The following HERC2 variants were observed in gnomAD, a reference collection of about 807,000 sequenced individuals.
The protein encoded by HERC2 is E3 ubiquitin-protein ligase HERC2.
HERC2 carries 102 observed loss-of-function variants against 537.7 expected under a neutral mutation model. The ratio of observed to expected loss-of-function variants is 0.19; its 90% CI spans 0.16 to 0.22. The LOEUF (loss-of-function observed/expected upper bound fraction) is 0.22, where lower values mean the gene tolerates loss of function less well. HERC2 is among the 10% of genes least tolerant of loss of function. The pLI, the probability that HERC2 is intolerant of heterozygous loss-of-function variation, is 1.00. For missense variants in HERC2, 4,236 were observed against 6,198.2 expected (o/e 0.68, Z 10.63); for synonymous variants, 2,224 against 2,466.2 (o/e 0.90, Z 2.91).
rs1887609431 is a variant in HERC2 at position 28,111,139 on chromosome 15, C to G, written c.*624G>C. 6.6e-6 allele frequency: 1 copy of G among 152,390 alleles called. No homozygotes were observed. Among genetic ancestry groups the G allele is most frequent in the Admixed American group, 6.5e-5 (1 of 15,276 alleles). The allele number at this position is 152,390 out of a possible 1,614,324, so 9.4% of individuals were successfully genotyped here. On this transcript the variant is annotated 3_prime_UTR_variant, in exon 93 of 93. Coordinates refer to ENST00000261609, the MANE Select transcript of HERC2 (RefSeq NM_004667.6). The stretch of plus-strand genomic sequence containing the variant: ...ACTTTCCATGATAGAAGTTATGATG[C>G]TGTTCACAGAAAGGCCTCAATTCAG...
At position 28,115,262 on chromosome 15, in the gene HERC2, A is replaced by ATTT. The variant is rs11375781; in HGVS notation, c.13722+164_13722+166dup. ...CAAAACACCAGAAAATAGATGGTCT[A>ATTT]TTTTTTTTTTTTTTTTTTGCTACTC... On this transcript the variant is annotated intron_variant, in intron 89 of 92. Coordinates refer to ENST00000261609, the MANE Select transcript of HERC2 (RefSeq NM_004667.6). The ATTT allele has an allele frequency of 1.4e-3, 537 of 382,134 alleles. 1 individual carries two copies. Among genetic ancestry groups the ATTT allele is most frequent in the South Asian group, 3.4e-3 (54 of 15,826 alleles). 23.7% of individuals were successfully genotyped at this position (382,134 alleles called of 1,614,324 possible).
chr15:28,116,245 A>T (rs1888239787), intron 88 of HERC2, among the ~76,000 whole-genome samples: 1 of 146,168 alleles, frequency 6.8e-6, no homozygotes, highest in Non-Finnish European at 1.5e-5. Flanking sequence ...TTTTTGATAC[A>T]GAGTGTTGCC....
Position 28,186,668 on chromosome 15 carries a change from G to T in HERC2, c.8734C>A (p.Arg2912=). ...CKIHGLILLG[R]IRAEEEDLAA... is the part of the protein sequence containing the mutation. ...AAATCTTCCTCTTCTGCACGGATCC[G>T]TCCCAGCAGGATGAGACCATGGATT... The change falls in exon 56 of 93, where the codon CGG becomes AGG. Residue 2912 remains arginine (R), a synonymous_variant. Coordinates refer to ENST00000261609, the MANE Select transcript of HERC2 (RefSeq NM_004667.6). 6.2e-7 allele frequency: 1 copy of T among 1,613,906 alleles called. No homozygotes were observed. Among genetic ancestry groups the T allele is most frequent in the Non-Finnish European group, 8.5e-7 (1 of 1,179,840 alleles).
At chr15:28,207,936 A>G (rs1163359822) in intron 44 of HERC2, among the ~76,000 whole-genome samples, 5 of 152,082 alleles carry the variant, frequency 3.3e-5, no homozygotes, top group African/African-American at 1.2e-4. Context: ...AAACAGGTGC[A>G]CGGCAGTTTT....
intron 21 of HERC2, 37 bp from the exon 22 acceptor site, chr15:28,246,934 T>G (rs1191787060): frequency 6.3e-7 from 1 of 1,579,234 alleles, no homozygotes; most frequent in African/African-American, 1.4e-5. Flanking sequence ...TTTTCACTAC[T>G]AAAATTTTTC....
chr15:28,245,610 T>TATACACACTC (rs1474279398), intron 23 of HERC2, among the ~76,000 whole-genome samples: 3 of 148,586 alleles, frequency 2.0e-5, no homozygotes, highest in Non-Finnish European at 4.4e-5. Context: ...CACACAGATA[T>TATACACACTC]ATATATACAC....
At chr15:28,130,429 C>A in intron 82 of HERC2, 74 bp downstream of exon 82, 1 of 1,580,454 alleles carries the variant, frequency 6.3e-7, no homozygotes. Flanking sequence ...ACATTCCCAT[C>A]CATGAAAAGG....
At chr15:28,180,398 G>A (rs888614888) in intron 57 of HERC2, among the ~76,000 whole-genome samples, 2 of 152,194 alleles carry the variant, frequency 1.3e-5, no homozygotes, top group African/African-American at 4.8e-5. Flanking sequence ...CCATCATTAA[G>A]TAATGCATGA....
At position 28,130,321 on chromosome 15, in the gene HERC2, T is replaced by A. The variant is rs775818813; in HGVS notation, c.12663-19A>T. 1.1e-5 allele frequency: 18 copies of A among 1,613,992 alleles called. No individual in the cohort carries two copies. The South Asian group carries it at 1.9e-4, about 17-fold the overall frequency. ...TTTGCCCCTGCACACAAAGGAAGCATGGAAATTATGGGGCAAGGTGATCTC... is the reference window on the plus strand; with the variant it reads ...TTTGCCCCTGCACACAAAGGAAGCAAGGAAATTATGGGGCAAGGTGATCTC... On this transcript the variant is annotated intron_variant, in intron 82 of 92. Transcript: ENST00000261609.
At chr15:28,306,203 G>C (rs146061268) in intron 2 of HERC2, among the ~76,000 whole-genome samples, 10 of 152,230 alleles carry the variant, frequency 6.6e-5, no homozygotes, top group African/African-American at 2.4e-4. Flanking sequence ...CTAGCTGTGT[G>C]TCAGCTGTAT....
chr15:28,280,046 T>G, intron 5 of HERC2, 22 bp downstream of exon 5: 1 of 1,574,818 alleles, frequency 6.3e-7, no homozygotes, highest in Non-Finnish European at 8.7e-7. Flanking sequence ...GCATCAGGAT[T>G]CTTTCTTCGC....
At position 28,152,789 on chromosome 15, in the gene HERC2, C is replaced by T; in HGVS notation, c.10788G>A (p.Glu3596=). Residue 3596 remains glutamate, a synonymous_variant, in exon 70 of 93, where the codon GAG becomes GAA. Coordinates refer to ENST00000261609, the MANE Select transcript of HERC2 (RefSeq NM_004667.6). ...MLLELCVTEL[E]DVATDSQSGR... is the part of the protein sequence containing the mutation. Reference sequence around the variant, plus strand: ...CGCTCTGCGAGTCTGTGGCCACATCCTCCAACTCGGTGACACAGAGCTCCA... The same window carrying T: ...CGCTCTGCGAGTCTGTGGCCACATCTTCCAACTCGGTGACACAGAGCTCCA... 6.4e-7 allele frequency: 1 copy of T among 1,556,628 alleles called. No individual in the cohort carries two copies. Among genetic ancestry groups the T allele is most frequent in the Non-Finnish European group, 8.7e-7 (1 of 1,149,562 alleles).
intron 5 of HERC2, among the ~76,000 whole-genome samples, chr15:28,276,175 G>A (rs1285786563): frequency 3.1e-5 from 3 of 96,292 alleles, no homozygotes; most frequent in South Asian, 3.9e-4. Flanking sequence ...GGCAGAGCAA[G>A]ACTCCATCTC....
intron 35 of HERC2, among the ~76,000 whole-genome samples, chr15:28,226,766 A>T (rs1901220416): frequency 6.6e-6 from 1 of 152,240 alleles, no homozygotes; most frequent in Non-Finnish European, 1.5e-5. Context: ...TCATCAAAAT[A>T]AAAAACTTCT....
In HERC2 at chr15:28,155,767, T is replaced by C. The variant is rs555198123; in HGVS notation, c.10747-2937A>G. On this transcript the variant is annotated intron_variant, in intron 69 of 92. Transcript: ENST00000261609. ...GCTGTGCAGAAGCTCTTTAGTTTAA[T>C]TGGATCCCATTTGTCAATTTTGGCT... 1.4e-4 allele frequency among the ~76,000 whole-genome samples: 21 copies of C among 152,300 alleles called. No individual in the cohort carries two copies. The South Asian group carries it at 3.7e-3, about 27-fold the overall frequency.
intron 52 of HERC2, among the ~76,000 whole-genome samples, chr15:28,192,941 T>C (rs62996161): frequency 1.5e-4 from 23 of 151,032 alleles, no homozygotes; most frequent in Admixed American, 2.7e-4. Flanking sequence ...TTTTTTTTTT[T>C]CCAACAGATT....
At position 28,228,241 on chromosome 15, in the gene HERC2, G is replaced by A. The variant is rs369195382; in HGVS notation, c.5441C>T (p.Thr1814Met). Residue 1814 changes from threonine to methionine, a missense_variant, in exon 35 of 93, where the codon ACG (threonine) becomes ATG (methionine). By Grantham distance (81) the Thr-to-Met change is moderately conservative (BLOSUM62 -1). This residue lies in a region of HERC2 where 343 missense variants were observed against 417.2 expected (regional missense o/e 0.82). Coordinates refer to ENST00000261609, the MANE Select transcript of HERC2 (RefSeq NM_004667.6). ...ACCAATCAGGCGCAGTGCCGTCTGCGTGAGGGCCAGCATGCCGGAATTGAG... is the reference window on the plus strand; with the variant it reads ...ACCAATCAGGCGCAGTGCCGTCTGCATGAGGGCCAGCATGCCGGAATTGAG... ...LLLNSGMLAL[T>M]QTALRLIGPS... 5.5e-5 allele frequency: 88 copies of A among 1,613,610 alleles called. 1 individual carries two copies. The highest frequency in any genetic ancestry group is 1.0e-4 in the Admixed American group (6 of 60,006).
chr15:28,214,337 G>T, intron 40 of HERC2, 65 bp from the exon 41 acceptor site: 1 of 1,386,198 alleles, frequency 7.2e-7, no homozygotes, highest in African/African-American at 1.4e-5. Flanking sequence ...GAAAGGAGAC[G>T]GCTACCCACC....
At chr15:28,258,488 A>ATAC (rs763543356) in intron 16 of HERC2, among the ~76,000 whole-genome samples, 7 of 152,120 alleles carry the variant, frequency 4.6e-5, no homozygotes, top group Non-Finnish European at 1.0e-4. Context: ...AATAATAATA[A>ATAC]TAATCATCCA....
Sources: gnomAD v4.1 joint callset for allele counts (sites outside exome capture counted in the v4.1 genomes callset) on GRCh38, gnomAD v4.1.1 for gene constraint, gnomAD v4.1.1 regional missense constraint, MANE v1.5 for transcripts, NCBI Gene and HGNC (gene_info 2026-07-23, HGNC 2026-07-21) for gene names.